AURKB: variants seen among roughly 807,000 people sequenced by gnomAD.
The protein encoded by AURKB is aurora kinase B, also known as aurora kinase B-Sv1.
In AURKB, 28 loss-of-function variants were observed where a neutral mutation model predicts 36.5. The observed-to-expected ratio is 0.77, with a 90% CI of 0.57 to 1.05. The LOEUF is 1.05. Among genes scored for constraint, AURKB ranks in the 50% least tolerant of loss-of-function variants. The pLI, the probability that AURKB is intolerant of heterozygous loss-of-function variation, is 0.00. For synonymous variants in AURKB, 175 were observed against 172.9 expected (o/e 1.01, Z -0.09); for missense variants, 383 against 447.4 (o/e 0.86, Z 1.30).
At chr17:8,207,972 T>C in intron 2 of AURKB, 132 bp from the exon 3 acceptor site, 1 of 692,064 alleles carries the variant, frequency 1.4e-6, no homozygotes, top group Non-Finnish European at 2.4e-6. Context: ...AGAGAAACAC[T>C]GATGTGACAG....
At chr17:8,207,416 A>G (rs1426953658) in intron 4 of AURKB, 49 bp from the exon 5 acceptor site, 2 of 1,593,982 alleles carry the variant, frequency 1.3e-6, no homozygotes, top group Non-Finnish European at 8.6e-7. Flanking sequence ...TTGGTTATTA[A>G]GAGGTTTGCT....
Position 8,208,426 on chromosome 17 carries a change from A to G in AURKB, c.49-586T>C, listed in dbSNP as rs543845952. Among the ~76,000 whole-genome samples, 169 of 144,236 alleles carry G rather than the reference A, an allele frequency of 1.2e-3. 6 individuals carry two copies. The South Asian group carries it at 0.029, about 25-fold the overall frequency. The allele number at this position is 144,236 out of a possible 152,430, so 94.6% of individuals were successfully genotyped here. A position where few individuals can be genotyped will look rare whatever the true frequency, so the allele number is the denominator to read the frequency against. On this transcript the variant is annotated intron_variant, in intron 2 of 8. Coordinates refer to ENST00000585124, the MANE Select transcript of AURKB (RefSeq NM_004217.4). ...GGCAACAGAGCTAGACTCCATCTCAAAAAAAAAAAAAAAAATTAGCCAGGT... is the reference window on the plus strand; with the variant it reads ...GGCAACAGAGCTAGACTCCATCTCAGAAAAAAAAAAAAAAATTAGCCAGGT...
In AURKB at chr17:8,204,892, A is replaced by C. The variant is rs1984999578; in HGVS notation, c.1014T>G (p.Ser338=). 1 of 1,609,176 alleles carries C rather than the reference A, an allele frequency of 6.2e-7. No homozygotes were observed. ...ACCATCAGGCGACAGATTGAAGGGCAGAGGGAGGCAGCACCCTCCGAGAGT... is the reference window on the plus strand; with the variant it reads ...ACCATCAGGCGACAGATTGAAGGGCCGAGGGAGGCAGCACCCTCCGAGAGT... ...RANSRRVLPP[S]ALQSVA is the part of the protein sequence containing the mutation. The change falls in exon 9 of 9, where the codon TCT becomes TCG. Residue 338 remains serine (S), a synonymous_variant. Coordinates refer to ENST00000585124, the MANE Select transcript of AURKB (RefSeq NM_004217.4).
chr17:8,210,451 G>A (rs1985952291), intron 1 of AURKB, 79 bp downstream of exon 1: 1 of 562,568 alleles, frequency 1.8e-6, no homozygotes, highest in East Asian at 3.2e-5. Flanking sequence ...GTGCGCGCAG[G>A]CCAGCCCAAC....
rs778729429 is a variant in AURKB, at chr17:8,206,481, GC to G, written c.686+9del. 6 of 1,613,862 alleles carry G rather than the reference GC, an allele frequency of 3.7e-6. No individual in the cohort carries two copies. In the African/African-American group the frequency reaches 6.7e-5, roughly 18 times the overall value. On this transcript the variant is annotated intron_variant, in intron 7 of 8. Coordinates refer to ENST00000585124, the MANE Select transcript of AURKB (RefSeq NM_004217.4). This position sits in a 1 kb window ranked among gnomAD's most constrained non-coding sequence, Gnocchi z 4.2. ...CTCACACCCAGGTCTGGCCTCCCAGGCCACCATACCTCAGGGAGGGCGCATG... is the reference window on the plus strand; with the variant it reads ...CTCACACCCAGGTCTGGCCTCCCAGGCACCATACCTCAGGGAGGGCGCATG...
intron 3 of AURKB, 35 bp downstream of exon 3, chr17:8,207,703 C>T (rs1985529839): frequency 2.5e-6 from 4 of 1,613,748 alleles, no homozygotes; most frequent in Non-Finnish European, 3.4e-6. Flanking sequence ...ACGGTCATCT[C>T]CCCAGCTCAG....
chr17:8,206,792 C>T lies in AURKB; in HGVS notation c.495G>A (p.Glu165=), dbSNP rs756918006. 9.3e-6 allele frequency: 15 copies of T among 1,614,112 alleles called. No individual in the cohort carries two copies. In the South Asian group the frequency reaches 1.1e-4, roughly 12 times the overall value. The part of the protein sequence containing the change: ...EYAPRGELYK[E]LQKSCTFDEQ... ...CGTCAAATGTGCAGCTCTTCTGCAG[C>T]TCCTTGTAGAGCTCCCCGCGGGGGG... The change falls in exon 6 of 9, where the codon GAG becomes GAA. Residue 165 remains glutamate, a synonymous_variant. Coordinates refer to ENST00000585124, the MANE Select transcript of AURKB (RefSeq NM_004217.4). The surrounding 1 kb of genome is among the most constrained non-coding windows in gnomAD (Gnocchi z 4.2).
rs778681508 is a variant in AURKB at position 8,207,391 on chromosome 17, A to G, written c.207-24T>C. 3.7e-6 allele frequency: 6 copies of G among 1,607,988 alleles called. No individual in the cohort carries two copies. In the African/African-American group the frequency reaches 6.7e-5, roughly 18 times the overall value. On this transcript the variant is annotated intron_variant, in intron 4 of 8. Transcript: ENST00000585124. ...GCCTGCTTAGAAAGTGGAGGAAGGCAACTCAGAACCGGTTTTGGTTATTAA... is the reference window on the plus strand; with the variant it reads ...GCCTGCTTAGAAAGTGGAGGAAGGCGACTCAGAACCGGTTTTGGTTATTAA...
In AURKB at chr17:8,204,824, A is replaced by T; in HGVS notation, c.*47T>A. On this transcript the variant is annotated 3_prime_UTR_variant, in exon 9 of 9. Transcript: ENST00000585124. Reference sequence around the variant, plus strand: ...TAGGGATCCCTTCTTTCCCCTATACATACACAGACATACAAACACACGCAC... The same window carrying T: ...TAGGGATCCCTTCTTTCCCCTATACTTACACAGACATACAAACACACGCAC... 1.2e-6 allele frequency: 2 copies of T among 1,603,470 alleles called. No homozygotes were observed. The highest frequency in any genetic ancestry group is 1.7e-6 in the Non-Finnish European group (2 of 1,175,612).
chr17:8,204,862 C>G lies in AURKB; in HGVS notation c.*9G>C. 1 of 1,611,838 alleles carries G rather than the reference C, an allele frequency of 6.2e-7. No individual in the cohort carries two copies. The highest frequency in any genetic ancestry group is 1.1e-5 in the South Asian group (1 of 91,038). On this transcript the variant is annotated 3_prime_UTR_variant, in exon 9 of 9. Transcript: ENST00000585124. The stretch of plus-strand genomic sequence containing the variant: ...CAAACACACGCACCCGAGTGAATGA[C>G]AGGGACCATCAGGCGACAGATTGAA...
intron 5 of AURKB, 136 bp downstream of exon 5, chr17:8,207,040 G>C: frequency 4.8e-6 from 7 of 1,453,164 alleles, no homozygotes; most frequent in Middle Eastern, 2.4e-4. Context: ...TGGATTCAAG[G>C]CTTGCCAGGA....
chr17:8,206,822 C>G lies in AURKB; in HGVS notation c.465G>C (p.Glu155Asp). The G allele has an allele frequency of 6.2e-7, 1 of 1,614,214 alleles. No homozygotes were observed. Among genetic ancestry groups the G allele is most frequent in the Non-Finnish European group, 8.5e-7 (1 of 1,180,042 alleles). ...TGTAGAGCTCCCCGCGGGGGGCATA[C>G]TCTAGAATCAAGTAGATCCTCCTCC... ...YDRRRIYLIL[E>D]YAPRGELYKE... is the part of the protein sequence containing the mutation. Residue 155 changes from glutamate (E) to aspartate (D), a missense_variant, in exon 6 of 9, where the codon GAG (glutamate) becomes GAC (aspartate). Glu to Asp is a conservative substitution (Grantham distance 45). Around this residue, in one of 3 missense-constraint regions of AURKB, gnomAD observed 219 missense variants for 252.6 expected, o/e 0.87. Coordinates refer to ENST00000585124, the MANE Select transcript of AURKB (RefSeq NM_004217.4). The surrounding 1 kb of genome is among the most constrained non-coding windows in gnomAD (Gnocchi z 4.2).
chr17:8,210,304 A>AGG, intron 1 of AURKB, 55 bp from the exon 2 acceptor site: 1 of 1,331,242 alleles, frequency 7.5e-7, no homozygotes, highest in Non-Finnish European at 1.1e-6. Flanking sequence ...AGAGAGAGGG[A>AGG]GGGGTTGGAC....
chr17:8,204,836 A>T lies in AURKB; in HGVS notation c.*35T>A, dbSNP rs745359169. 6 of 1,609,658 alleles carry T rather than the reference A, an allele frequency of 3.7e-6. No individual in the cohort carries two copies. Among genetic ancestry groups the T allele is most frequent in the Non-Finnish European group, 5.1e-6 (6 of 1,178,554 alleles). On this transcript the variant is annotated 3_prime_UTR_variant, in exon 9 of 9. Coordinates refer to ENST00000585124, the MANE Select transcript of AURKB (RefSeq NM_004217.4). ...CTTTCCCCTATACATACACAGACAT[A>T]CAAACACACGCACCCGAGTGAATGA...
In AURKB at chr17:8,207,077, C is replaced by G. The variant is rs1985414013; in HGVS notation, c.398+99G>C. ...TAAGAGCTAAATGGGGCTCACTAGC[C>G]ATAGCTACAGAGAAAGCAATCTGGA... On this transcript the variant is annotated intron_variant, in intron 5 of 8. Coordinates refer to ENST00000585124, the MANE Select transcript of AURKB (RefSeq NM_004217.4). 1.4e-5 allele frequency: 21 copies of G among 1,467,322 alleles called. No homozygotes were observed. The South Asian group carries it at 2.6e-4, about 18-fold the overall frequency. The allele number at this position is 1,467,322 out of a possible 1,614,324, so 90.9% of individuals were successfully genotyped here.
chr17:8,205,745 T>A (rs1985173138), intron 7 of AURKB, among the ~76,000 whole-genome samples: 1 of 152,090 alleles, frequency 6.6e-6, no homozygotes, highest in Non-Finnish European at 1.5e-5. Context: ...AAAAGTGATG[T>A]GGGAGGAAAA....
chr17:8,205,197 G>A lies in AURKB; in HGVS notation c.861+19C>T, dbSNP rs752225399. The A allele has an allele frequency of 1.2e-6, 2 of 1,601,612 alleles. No homozygotes were observed. Among genetic ancestry groups the A allele is most frequent in the Non-Finnish European group, 1.7e-6 (2 of 1,172,622 alleles). ...TCCTGGCTTCAGCAGCTGGCACGAA[G>A]CCCAGGCCGCCCTCCCACCTTGACG... On this transcript the variant is annotated intron_variant, in intron 8 of 8. Transcript: ENST00000585124.
At chr17:8,209,931 A>AT (rs1985879929) in intron 2 of AURKB, 2 of 581,550 alleles carry the variant, frequency 3.4e-6, no homozygotes, top group African/African-American at 1.9e-5. Flanking sequence ...TTTGTATGTG[A>AT]CGAGCCCTGC....
intron 7 of AURKB, among the ~76,000 whole-genome samples, chr17:8,205,758 G>C (rs1334112508): frequency 6.6e-6 from 1 of 152,010 alleles, no homozygotes; most frequent in Non-Finnish European, 1.5e-5. Context: ...GAGGAAAAAA[G>C]GCCACTGCTC....
Sources: allele counts gnomAD v4.1 joint callset (sites outside exome capture counted in the v4.1 genomes callset), GRCh38; gene constraint gnomAD v4.1.1; regional missense constraint gnomAD v4.1.1; non-coding constraint Gnocchi (gnomAD v3.1); transcripts MANE v1.5; gene names NCBI Gene and HGNC (gene_info 2026-07-23, HGNC 2026-07-21).